Variants in FOLR3 observed in about 807,000 individuals in gnomAD.
The protein encoded by FOLR3 is folate receptor gamma.
Under a neutral mutation model 20.0 loss-of-function variants are expected in FOLR3, and 9 were observed. That is an observed-to-expected ratio of 0.45 (90% CI 0.27 to 0.79). The LOEUF is 0.79. Among genes scored for constraint, FOLR3 ranks in the 30% least tolerant of loss-of-function variants. The probability of loss-of-function intolerance (pLI) is 0.15; values close to 1 mark genes in which losing one functional copy is unlikely to be tolerated. For synonymous variants in FOLR3, 124 were observed against 115.5 expected (o/e 1.07, Z -0.47); for missense variants, 309 against 323.5 (o/e 0.96, Z 0.34).
intron 2 of FOLR3, among the ~76,000 whole-genome samples, chr11:72,138,039 C>G (rs1032348702): frequency 6.6e-6 from 1 of 152,090 alleles, no homozygotes. Context: ...TTAATATTGG[C>G]TGGATGCAAA....
chr11:72,138,858 C>T (rs1254015230), intron 2 of FOLR3, 103 bp from the exon 3 acceptor site: 7 of 1,446,316 alleles, frequency 4.8e-6, no homozygotes, highest in South Asian at 1.2e-5. Context: ...GGGCCCTCCC[C>T]AGGAAGTGTT....
At chr11:72,137,839 A>G (rs1947760205) in intron 2 of FOLR3, among the ~76,000 whole-genome samples, 1 of 152,106 alleles carries the variant, frequency 6.6e-6, no homozygotes, top group African/African-American at 2.4e-5. Context: ...TTGAGAGGAT[A>G]AAGCGCAAAA....
In FOLR3 at chr11:72,139,391, G is replaced by C. The variant is rs1218777518; in HGVS notation, c.402G>C (p.Leu134=). ...AAGAGCGCATTCTGAACGTGCCCCT[G>C]TGCAAAGAGGACTGTGAGCGCTGGT... ...WRKERILNVP[L]CKEDCERWWE... is the part of the protein sequence containing the mutation. The change falls in exon 4 of 5, where the codon CTG becomes CTC. Residue 134 remains leucine (L), a synonymous_variant. Transcript: ENST00000611028. 1 of 1,611,896 alleles carries C rather than the reference G, an allele frequency of 6.2e-7. No individual in the cohort carries two copies. The highest frequency in any genetic ancestry group is 8.5e-7 in the Non-Finnish European group (1 of 1,178,944).
chr11:72,137,774 G>A (rs980414777), intron 2 of FOLR3, among the ~76,000 whole-genome samples: 73 of 152,080 alleles, frequency 4.8e-4, no homozygotes, highest in African/African-American at 1.7e-3. Flanking sequence ...TGTTTACCAT[G>A]GGTGTAGCTT....
In FOLR3 at chr11:72,139,596, A is replaced by G. The variant is rs1219571103; in HGVS notation, c.503A>G (p.Glu168Gly). Residue 168 changes from glutamate (E) to glycine (G), a missense_variant, in exon 5 of 5, where the codon GAG becomes GGG. Glu to Gly is a moderately conservative substitution (Grantham distance 98). Transcript: ENST00000611028. ...KGWNWTSGINECPAGALCSTF... is the reference protein window; with the variant it reads ...KGWNWTSGINGCPAGALCSTF... ...CGTTCTCCTCCCTCAGGGATTAATGAGTGTCCGGCCGGGGCCCTCTGCAGC... is the reference window on the plus strand; with the variant it reads ...CGTTCTCCTCCCTCAGGGATTAATGGGTGTCCGGCCGGGGCCCTCTGCAGC... 1 of 1,613,704 alleles carries G rather than the reference A, an allele frequency of 6.2e-7. No homozygotes were observed. The highest frequency in any genetic ancestry group is 2.2e-5 in the East Asian group (1 of 44,852).
intron 2 of FOLR3, among the ~76,000 whole-genome samples, chr11:72,138,177 G>A (rs1375555701): frequency 6.6e-6 from 1 of 152,150 alleles, no homozygotes; most frequent in Non-Finnish European, 1.5e-5. Flanking sequence ...GACCAGCCTG[G>A]CAAACATGGT....
rs375465537 is a variant in FOLR3 at position 72,139,496 on chromosome 11, G to A, written c.493+14G>A. 3.7e-6 allele frequency: 6 copies of A among 1,613,820 alleles called. No homozygotes were observed. Among genetic ancestry groups the A allele is most frequent in the Non-Finnish European group, 5.1e-6 (6 of 1,179,778 alleles). On this transcript the variant is annotated intron_variant, in intron 4 of 4. Transcript: ENST00000611028. ...ATTGGACCTCAGGTGAGGACCTGAG[G>A]AGATAAGATGAGGAGTGGGAGTGGG...
In FOLR3 at chr11:72,139,816, G is replaced by T. The variant is rs897885251; in HGVS notation, c.723G>T (p.Gly241=). Residue 241 remains glycine (G), a synonymous_variant, in exon 5 of 5, where the codon GGG becomes GGT. Transcript: ENST00000611028. ...TGAATGCTGGGGCCCCGTCTCGTGG[G>T]ATTATTGATTCCTGATCCAAGAAGG... ...AAMNAGAPSR[G]IIDS 1 of 1,613,850 alleles carries T rather than the reference G, an allele frequency of 6.2e-7. No homozygotes were observed. Among genetic ancestry groups the T allele is most frequent in the South Asian group, 1.1e-5 (1 of 91,090 alleles).
chr11:72,136,924 G>A (rs1217066426), intron 2 of FOLR3, among the ~76,000 whole-genome samples: 1 of 152,214 alleles, frequency 6.6e-6, no homozygotes. Context: ...CAAACCCTAA[G>A]ACCCATGATG....
At chr11:72,136,152 C>G in intron 2 of FOLR3, 32 bp downstream of exon 2, 1 of 1,611,912 alleles carries the variant, frequency 6.2e-7, no homozygotes, top group Non-Finnish European at 8.5e-7. Flanking sequence ...ACAGCATGCA[C>G]ACAGGTCAGA....
rs747417110 is a variant in FOLR3 at position 72,139,759 on chromosome 11, TGAG to T, written c.671_673del (p.Glu224del). On this transcript the variant is annotated inframe_deletion, in exon 5 of 5. Coordinates refer to ENST00000611028, the MANE Select transcript of FOLR3 (RefSeq NM_000804.4). Reference sequence around the variant, plus strand: ...TTGACTCAGCCCAGGGCAACCCCAATGAGGAGGTGGCCAAGTTCTATGCTGCGG... The same window carrying T: ...TTGACTCAGCCCAGGGCAACCCCAATGAGGTGGCCAAGTTCTATGCTGCGG... The T allele has an allele frequency of 1.9e-6, 3 of 1,614,012 alleles. No individual in the cohort carries two copies. The highest frequency in any genetic ancestry group is 1.3e-5 in the African/African-American group (1 of 75,010).
Position 72,139,610 on chromosome 11 carries a change from GC to G in FOLR3, c.520del (p.Leu174SerfsTer60), listed in dbSNP as rs780257404. 1.6e-5 allele frequency: 26 copies of G among 1,613,676 alleles called. No individual in the cohort carries two copies. Among genetic ancestry groups the G allele is most frequent in the Non-Finnish European group, 2.0e-5 (24 of 1,179,878 alleles). On this transcript the variant is annotated frameshift_variant, in exon 5 of 5. Coordinates refer to ENST00000611028, the MANE Select transcript of FOLR3 (RefSeq NM_000804.4). LOFTEE classifies it low-confidence loss of function (END_TRUNC). ...AGGGATTAATGAGTGTCCGGCCGGG[GC>G]CCTCTGCAGCACCTTTGAGTCCTAC... ...TSGINECPAGALCSTFESYFP... is the reference protein window; with the variant it reads ...TSGINECPAGXLCSTFESYFP...
intron 2 of FOLR3, among the ~76,000 whole-genome samples, chr11:72,137,025 A>G (rs7936965): frequency 0.08 from 12,240 of 152,178 alleles, 686 homozygotes; most frequent in African/African-American, 0.16. Flanking sequence ...GTTCTGTGTC[A>G]GCCGGCACTG....
rs779119923 is a variant in FOLR3 at position 72,139,512 on chromosome 11, TG to T, written c.493+33del. 6.3e-5 allele frequency: 101 copies of T among 1,612,358 alleles called. No individual in the cohort carries two copies. In the African/African-American group the frequency reaches 1.3e-3, roughly 20 times the overall value. On this transcript the variant is annotated intron_variant, in intron 4 of 4. Transcript: ENST00000611028. ...GGACCTGAGGAGATAAGATGAGGAG[TG>T]GGAGTGGGGCTTTGGGGTTGGGAGG...
chr11:72,139,667 C>T lies in FOLR3; in HGVS notation c.574C>T (p.Leu192Phe), dbSNP rs1338796568. 1 of 1,613,590 alleles carries T rather than the reference C, an allele frequency of 6.2e-7. No homozygotes were observed. Among genetic ancestry groups the T allele is most frequent in the East Asian group, 2.2e-5 (1 of 44,874 alleles). The change falls in exon 5 of 5, where the codon CTC (leucine) becomes TTC (phenylalanine). Residue 192 changes from leucine (L) to phenylalanine (F), a missense_variant. Coordinates refer to ENST00000611028, the MANE Select transcript of FOLR3 (RefSeq NM_000804.4). ...FPTPAALCEG[L>F]WSHSFKVSNY... ...CACTCCAGCCGCCCTTTGTGAAGGCCTCTGGAGCCACTCCTTCAAGGTCAG... is the reference window on the plus strand; with the variant it reads ...CACTCCAGCCGCCCTTTGTGAAGGCTTCTGGAGCCACTCCTTCAAGGTCAG...
At chr11:72,139,319 A>G (rs1169099896) in intron 3 of FOLR3, 28 bp from the exon 4 acceptor site, 1 of 1,607,086 alleles carries the variant, frequency 6.2e-7, no homozygotes, top group South Asian at 1.1e-5. Context: ...CGTGGCTGAC[A>G]GGAGTATTCT....
In FOLR3 at chr11:72,135,988, T is replaced by A. The variant is rs543924969; in HGVS notation, c.36T>A (p.Leu12=). Residue 12 remains leucine, a synonymous_variant, in exon 2 of 5, where the codon CTT becomes CTA. Transcript: ENST00000611028. ...DMAWQMMQLL[L]LALVTAAGSA... is the part of the protein sequence containing the mutation. ...CCTGGCAGATGATGCAGCTGCTGCT[T>A]CTGGCTTTGGTGACTGCTGCGGGGA... 6.2e-7 allele frequency: 1 copy of A among 1,613,904 alleles called. No homozygotes were observed. Among genetic ancestry groups the A allele is most frequent in the Non-Finnish European group, 8.5e-7 (1 of 1,179,838 alleles).
Position 72,136,003 on chromosome 11 carries a change from T to A in FOLR3, c.51T>A (p.Thr17=). Residue 17 remains threonine (T), a synonymous_variant, in exon 2 of 5, where the codon ACT becomes ACA. Coordinates refer to ENST00000611028, the MANE Select transcript of FOLR3 (RefSeq NM_000804.4). ...AGCTGCTGCTTCTGGCTTTGGTGAC[T>A]GCTGCGGGGAGTGCCCAGCCCAGGA... is the stretch of plus-strand genomic sequence containing the variant. ...MMQLLLLALV[T]AAGSAQPRSA... is the part of the protein sequence containing the mutation. The A allele has an allele frequency of 4.3e-6, 7 of 1,613,938 alleles. No individual in the cohort carries two copies. Among genetic ancestry groups the A allele is most frequent in the Non-Finnish European group, 5.9e-6 (7 of 1,179,868 alleles).
rs113677963 is a variant in FOLR3, at chr11:72,135,798, A to G, written c.-7+30A>G. 4.9e-3 allele frequency: 3,971 copies of G among 816,128 alleles called. 67 individuals carry two copies. The highest frequency in any genetic ancestry group is 0.048 in the African/African-American group (2,854 of 59,832). 50.6% of individuals were successfully genotyped at this position (816,128 alleles called of 1,614,324 possible). On this transcript the variant is annotated intron_variant, in intron 1 of 4. Coordinates refer to ENST00000611028, the MANE Select transcript of FOLR3 (RefSeq NM_000804.4). Reference sequence around the variant, plus strand: ...GGGAAGGGCTCCCTCTCACCTCTACACGCAGCGCATTTCTTGGCTCAGCTG... The same window carrying G: ...GGGAAGGGCTCCCTCTCACCTCTACGCGCAGCGCATTTCTTGGCTCAGCTG...
Sources: allele counts gnomAD v4.1 joint callset (sites outside exome capture counted in the v4.1 genomes callset), GRCh38; gene constraint gnomAD v4.1.1; transcripts MANE v1.5; gene names NCBI Gene and HGNC (gene_info 2026-07-23, HGNC 2026-07-21).